RERE: variants seen among roughly 807,000 people sequenced by gnomAD.
RERE encodes arginine-glutamic acid dipeptide repeats protein.
A neutral mutation model predicts 146.1 loss-of-function variants in RERE; 40 were observed. The ratio of observed to expected loss-of-function variants is 0.27; its 90% CI spans 0.21 to 0.36. The LOEUF (loss-of-function observed/expected upper bound fraction) is 0.36. Ranked by LOEUF, RERE falls within the 10% of genes least tolerant of loss-of-function variation. RERE has a pLI of 1.00. For missense variants in RERE, 1,933 were observed against 2,138.7 expected, an observed-to-expected ratio of 0.90 and a Z score of 1.90; for synonymous variants, 1,003 against 866.0, an observed-to-expected ratio of 1.16 and a Z score of -2.78.
At chr1:8,422,890 G>A (rs1014481861) in intron 11 of RERE, 83 bp from the exon 12 acceptor site, 7 of 1,009,984 alleles carry the variant, frequency 6.9e-6, no homozygotes, top group Non-Finnish European at 1.1e-5. Context: ...ACAATCAGCA[G>A]AATAACAACC....
intron 12 of RERE, among the ~76,000 whole-genome samples, chr1:8,375,896 C>T (rs895139552): frequency 3.3e-5 from 5 of 152,250 alleles, no homozygotes; most frequent in African/African-American, 1.2e-4. Context: ...CTAAGCTAAG[C>T]CATATCTTTT....
intron 1 of RERE, among the ~76,000 whole-genome samples, chr1:8,698,625 C>G (rs1457827552): frequency 5.3e-5 from 8 of 152,140 alleles, no homozygotes; most frequent in African/African-American, 1.9e-4. Context: ...AGCTTTAGAA[C>G]AAGTGATTAT....
chr1:8,701,380 G>A (rs749827290), intron 1 of RERE, among the ~76,000 whole-genome samples: 3 of 151,366 alleles, frequency 2.0e-5, no homozygotes, highest in Non-Finnish European at 4.4e-5. Flanking sequence ...CAACCATGTA[G>A]ATTGTAACAT....
chr1:8,694,382 C>A (rs1052642882), intron 1 of RERE, among the ~76,000 whole-genome samples: 6 of 152,032 alleles, frequency 3.9e-5, no homozygotes, highest in Non-Finnish European at 7.4e-5. Flanking sequence ...TTATAATAGC[C>A]ATAAAGAAAG....
intron 12 of RERE, among the ~76,000 whole-genome samples, chr1:8,408,750 A>C (rs138041477): frequency 6.6e-6 from 1 of 152,330 alleles, no homozygotes; most frequent in East Asian, 1.9e-4. Context: ...ATTTTGTTAC[A>C]AGCAATGCAC....
At chr1:8,661,124 G>C (rs1286054788) in intron 1 of RERE, among the ~76,000 whole-genome samples, 1 of 152,178 alleles carries the variant, frequency 6.6e-6, no homozygotes, top group Non-Finnish European at 1.5e-5. Context: ...AGATGTTCAG[G>C]GAAGGCCTCT....
chr1:8,494,479 CA>C (rs1645019542), intron 10 of RERE, among the ~76,000 whole-genome samples: 1 of 152,136 alleles, frequency 6.6e-6, no homozygotes, highest in Non-Finnish European at 1.5e-5. Context: ...GTAATCCCAA[CA>C]CTTTGGGAGG....
intron 11 of RERE, among the ~76,000 whole-genome samples, chr1:8,427,658 A>AG (rs1644033747): frequency 6.6e-6 from 1 of 151,450 alleles, no homozygotes. Context: ...AAAAAAAAAA[A>AG]AGGAAGTAAA....
intron 7 of RERE, among the ~76,000 whole-genome samples, chr1:8,519,370 T>C (rs758190326): frequency 6.6e-6 from 1 of 152,108 alleles, no homozygotes; most frequent in Non-Finnish European, 1.5e-5. Flanking sequence ...AGTTTTGAGG[T>C]TGCAGTGAGC....
At chr1:8,544,190 T>C (rs991223934) in intron 6 of RERE, among the ~76,000 whole-genome samples, 5 of 152,214 alleles carry the variant, frequency 3.3e-5, no homozygotes, top group Non-Finnish European at 7.4e-5. Context: ...CAACCTTGCA[T>C]TCCTGGAATA....
At chr1:8,643,685 T>C (rs1323596854) in intron 2 of RERE, among the ~76,000 whole-genome samples, 1 of 152,098 alleles carries the variant, frequency 6.6e-6, no homozygotes, top group African/African-American at 2.4e-5. Flanking sequence ...ACCAAAACAA[T>C]GCAGTAATCT....
intron 1 of RERE, among the ~76,000 whole-genome samples, chr1:8,706,090 G>C (rs1303384709): frequency 7.2e-6 from 1 of 139,410 alleles, no homozygotes; most frequent in Non-Finnish European, 1.5e-5. Context: ...TCCAGGCTGG[G>C]TGACAGAGCA....
At chr1:8,627,045 C>T (rs1646981398) in intron 2 of RERE, among the ~76,000 whole-genome samples, 1 of 152,176 alleles carries the variant, frequency 6.6e-6, no homozygotes, top group African/African-American at 2.4e-5. Context: ...AACTCTGCTC[C>T]CAGTCTGCAA....
chr1:8,594,742 A>C (rs1320661719), intron 4 of RERE, among the ~76,000 whole-genome samples: 1 of 152,196 alleles, frequency 6.6e-6, no homozygotes, highest in Non-Finnish European at 1.5e-5. Flanking sequence ...CATAAATAAG[A>C]CTTCTGAGAA....
chr1:8,488,418 A>G (rs140088580), intron 10 of RERE, among the ~76,000 whole-genome samples: 568 of 152,006 alleles, frequency 3.7e-3, no homozygotes, highest in Middle Eastern at 0.027. Flanking sequence ...GCTAATTTTT[A>G]TATTTTTAGT....
chr1:8,719,932 G>A (rs751964438), intron 1 of RERE, among the ~76,000 whole-genome samples: 7 of 152,054 alleles, frequency 4.6e-5, no homozygotes, highest in African/African-American at 1.4e-4. Context: ...CATGGAGCAC[G>A]TTTGATTCAT....
At chr1:8,406,420 T>G (rs1643439285) in intron 12 of RERE, among the ~76,000 whole-genome samples, 1 of 152,082 alleles carries the variant, frequency 6.6e-6, no homozygotes, top group Non-Finnish European at 1.5e-5. Context: ...TTTTTACTTT[T>G]TAAGGTGCAT....
chr1:8,527,770 A>G (rs543861192), intron 7 of RERE, among the ~76,000 whole-genome samples: 2 of 152,082 alleles, frequency 1.3e-5, no homozygotes, highest in East Asian at 3.9e-4. Flanking sequence ...CCACCAAGAC[A>G]GACAGCCCTT....
At chr1:8,605,673 C>T (rs1183718955) in intron 4 of RERE, among the ~76,000 whole-genome samples, 3 of 135,820 alleles carry the variant, frequency 2.2e-5, no homozygotes, top group African/African-American at 2.7e-5. Flanking sequence ...CACCTGAATC[C>T]GGGAGGCAGG....
Sources: allele counts gnomAD v4.1 joint callset (sites outside exome capture counted in the v4.1 genomes callset), GRCh38; gene constraint gnomAD v4.1.1; transcripts MANE v1.5; gene names NCBI Gene and HGNC (gene_info 2026-07-23, HGNC 2026-07-21).